The following AMZ2 variants were observed in gnomAD, a reference collection of about 807,000 sequenced individuals.
The protein encoded by AMZ2 is archaelysin family metallopeptidase 2.
Under a neutral mutation model 36.7 loss-of-function variants are expected in AMZ2, and 26 were observed. The ratio of observed to expected loss-of-function variants is 0.71; its 90% CI spans 0.52 to 0.98. The LOEUF is 0.98. AMZ2 is among the 50% of genes least tolerant of loss of function. The pLI is 0.00. For missense variants in AMZ2, 394 were observed against 430.5 expected (o/e 0.92, Z 0.75); for synonymous variants, 144 against 149.1 (o/e 0.97, Z 0.25).
intron 1 of AMZ2, among the ~76,000 whole-genome samples, chr17:68,242,163 A>G (rs2073915324): frequency 6.6e-6 from 1 of 152,144 alleles, no homozygotes; most frequent in African/African-American, 2.4e-5. Context: ...GAGACCATAG[A>G]AAAATAGATT....
At chr17:68,239,567 C>T (rs573916221) in intron 1 of AMZ2, among the ~76,000 whole-genome samples, 33 of 152,242 alleles carry the variant, frequency 2.2e-4, no homozygotes, top group African/African-American at 7.0e-4. Context: ...GGGATGAACA[C>T]GGTGGCTAAG....
chr17:68,219,846 T>C (rs2073302282), intron 1 of AMZ2, among the ~76,000 whole-genome samples: 1 of 152,158 alleles, frequency 6.6e-6, no homozygotes, highest in Non-Finnish European at 1.5e-5. Flanking sequence ...TGTACCTTAT[T>C]TTGAAGCTAT....
Position 68,248,225 on chromosome 17 carries a change from G to C in AMZ2, c.-481G>C. Reference sequence around the variant, plus strand: ...GTGGAGCGGGATGAGGATGTAGGAGGGGCGGACGTGGCGGAAGCCGCGGGG... The same window carrying C: ...GTGGAGCGGGATGAGGATGTAGGAGCGGCGGACGTGGCGGAAGCCGCGGGG... On this transcript the variant is annotated 5_prime_UTR_variant, in exon 1 of 7. Coordinates refer to ENST00000359904, the MANE Select transcript of AMZ2 (RefSeq NM_016627.5). 5.1e-6 allele frequency: 5 copies of C among 985,960 alleles called. No individual in the cohort carries two copies. Among genetic ancestry groups the C allele is most frequent in the Non-Finnish European group, 6.0e-6 (5 of 830,242 alleles). The allele number at this position is 985,960 out of a possible 1,614,324, so 61.1% of individuals were successfully genotyped here.
At position 68,256,995 on chromosome 17, in the gene AMZ2, A is replaced by G. The variant is rs2144795495; in HGVS notation, c.*26A>G. ...GGACCTTCAAATAGGAGTGATTGAA[A>G]TAAATAACTACTTGCATGTTATGCT... On this transcript the variant is annotated 3_prime_UTR_variant, in exon 7 of 7. Coordinates refer to ENST00000359904, the MANE Select transcript of AMZ2 (RefSeq NM_016627.5). 1.2e-6 allele frequency: 2 copies of G among 1,605,192 alleles called. No individual in the cohort carries two copies. Among genetic ancestry groups the G allele is most frequent in the Non-Finnish European group, 1.7e-6 (2 of 1,175,146 alleles).
chr17:68,239,369 T>C (rs141280532), intron 1 of AMZ2, among the ~76,000 whole-genome samples: 1 of 152,286 alleles, frequency 6.6e-6, no homozygotes, highest in East Asian at 1.9e-4. Flanking sequence ...TCCTGCTTCC[T>C]GACCAATCAG....
chr17:68,249,134 C>G, intron 1 of AMZ2: 1 of 1,169,242 alleles, frequency 8.6e-7, no homozygotes, highest in Non-Finnish European at 1.1e-6. Flanking sequence ...GATGTCTTCC[C>G]TAATGTGACA....
At chr17:68,209,364 T>C (rs1403588115) in intron 1 of AMZ2, among the ~76,000 whole-genome samples, 1 of 151,778 alleles carries the variant, frequency 6.6e-6, no homozygotes, top group African/African-American at 2.4e-5. Flanking sequence ...CGGCTAATTT[T>C]TGTGTTTTTA....
chr17:68,229,942 G>A (rs781989587), intron 1 of AMZ2, among the ~76,000 whole-genome samples: 1 of 152,204 alleles, frequency 6.6e-6, no homozygotes, highest in African/African-American at 2.4e-5. Context: ...GGAAAGTAAG[G>A]CCCGTTACCT....
chr17:68,231,227 C>G (rs73343450), intron 1 of AMZ2, among the ~76,000 whole-genome samples: 9,061 of 151,970 alleles, frequency 0.06, 482 homozygotes, highest in Admixed American at 0.13. Flanking sequence ...CCACGCTCGG[C>G]TAATTTTCTT....
In AMZ2 at chr17:68,256,911, A is replaced by C; in HGVS notation, c.1025A>C (p.Glu342Ala). ...AATGGGAATTTACCGAAACCCGTGG[A>C]AGCCTTTAAGGAATGGAAAGAGTGG... Reference protein sequence around the residue: ...EDNGNLPKPVEAFKEWKEWII... With the variant: ...EDNGNLPKPVAAFKEWKEWII... The change falls in exon 7 of 7, where the codon GAA (glutamate) becomes GCA (alanine). Residue 342 changes from glutamate to alanine, a missense_variant. Glu to Ala is a moderately radical substitution (Grantham distance 107). Coordinates refer to ENST00000359904, the MANE Select transcript of AMZ2 (RefSeq NM_016627.5). 6.2e-7 allele frequency: 1 copy of C among 1,614,218 alleles called. No individual in the cohort carries two copies. Among genetic ancestry groups the C allele is most frequent in the Non-Finnish European group, 8.5e-7 (1 of 1,180,048 alleles).
intron 1 of AMZ2, among the ~76,000 whole-genome samples, chr17:68,214,781 T>C (rs16972821): frequency 7.0e-6 from 1 of 143,242 alleles, no homozygotes; most frequent in Non-Finnish European, 1.6e-5. Flanking sequence ...TGAGTTAGTC[T>C]TTAACAATTT....
intron 4 of AMZ2, among the ~76,000 whole-genome samples, 196 bp from the exon 5 acceptor site, chr17:68,254,208 C>T (rs550821497): frequency 9.8e-5 from 15 of 152,348 alleles, no homozygotes; most frequent in African/African-American, 3.6e-4. Flanking sequence ...AAGTGGATAG[C>T]AGCAAAAGAT....
intron 1 of AMZ2, among the ~76,000 whole-genome samples, chr17:68,211,659 G>T (rs2073048301): frequency 6.8e-6 from 1 of 147,720 alleles, no homozygotes; most frequent in East Asian, 2.0e-4. Flanking sequence ...AATAAAAAGT[G>T]GTATGAAGAA....
intron 1 of AMZ2, among the ~76,000 whole-genome samples, chr17:68,240,439 A>G (rs2073878338): frequency 6.6e-6 from 1 of 152,230 alleles, no homozygotes; most frequent in Non-Finnish European, 1.5e-5. Flanking sequence ...GAAAAGATAG[A>G]AAATAATTGA....
At chr17:68,207,134 A>G (rs1599239722) in intron 1 of AMZ2, 1 of 152,158 alleles carries the variant, frequency 6.6e-6, no homozygotes, top group Non-Finnish European at 1.5e-5. Context: ...TTTTGGACCA[A>G]CTTCTAAGTC....
rs781826001 is a variant in AMZ2, at chr17:68,248,478, C to T, written c.-228C>T. On this transcript the variant is annotated 5_prime_UTR_variant, in exon 1 of 7. Transcript: ENST00000359904. ...TGTTCTGGTTTTGGGACCAAAGCAT[C>T]CTAGGCCTCCAGCCCACTGCAGTGA... 22 of 986,020 alleles carry T rather than the reference C, an allele frequency of 2.2e-5. No individual in the cohort carries two copies. The highest frequency in any genetic ancestry group is 8.7e-5 in the African/African-American group (5 of 57,246). The allele number at this position is 986,020 out of a possible 1,614,324, so 61.1% of individuals were successfully genotyped here. A position where few individuals can be genotyped will look rare whatever the true frequency, so the allele number is the denominator to read the frequency against.
chr17:68,245,141 G>A (rs1801186224), upstream of AMZ2, among the ~76,000 whole-genome samples: 1 of 151,282 alleles, frequency 6.6e-6, no homozygotes, highest in Admixed American at 6.6e-5. Context: ...TTCTGCAACT[G>A]CATATTAGTT....
intron 1 of AMZ2, among the ~76,000 whole-genome samples, chr17:68,241,477 A>T (rs1216469160): frequency 1.3e-5 from 2 of 152,242 alleles, no homozygotes; most frequent in East Asian, 3.9e-4. Context: ...CTCATTTCTC[A>T]TGGCAGTAAA....
Position 68,250,913 on chromosome 17 carries a change from A to G in AMZ2, c.403A>G (p.Thr135Ala). ...KLLEPVPVSV[T>A]RCSFRVNENT... ...CCTAGAACCAGTTCCTGTTTCTGTA[A>G]CAAGATGTTCCTTTAGAGTCAATGA... The change falls in exon 3 of 7, where the codon ACA (threonine) becomes GCA (alanine). Residue 135 changes from threonine to alanine, a missense_variant. Physicochemically the swap from Thr to Ala is moderately conservative, Grantham distance 58. Coordinates refer to ENST00000359904, the MANE Select transcript of AMZ2 (RefSeq NM_016627.5). 6.2e-7 allele frequency: 1 copy of G among 1,610,652 alleles called. No individual in the cohort carries two copies.
Sources: gnomAD v4.1 joint callset for allele counts (sites outside exome capture counted in the v4.1 genomes callset) on GRCh38, gnomAD v4.1.1 for gene constraint, MANE v1.5 for transcripts, NCBI Gene and HGNC (gene_info 2026-07-23, HGNC 2026-07-21) for gene names.